The following MACROD2 variants were observed in gnomAD, a reference collection of about 807,000 sequenced individuals.
MACROD2 encodes ADP-ribose glycohydrolase MACROD2.
Under a neutral mutation model 70.4 loss-of-function variants are expected in MACROD2, and 36 were observed. The ratio of observed to expected loss-of-function variants is 0.51; its 90% confidence interval spans 0.39 to 0.68. The LOEUF (loss-of-function observed/expected upper bound fraction) is 0.68, where lower values mean the gene tolerates loss of function less well. MACROD2 is among the 30% of genes least tolerant of loss of function. The pLI is 0.00. For missense variants in MACROD2, 496 were observed against 538.4 expected (o/e 0.92, Z 0.78); for synonymous variants, 172 against 178.8 (o/e 0.96, Z 0.30).
chr20:15,135,603 A>G (rs2076140813), intron 5 of MACROD2, among the ~76,000 whole-genome samples: 1 of 130,410 alleles, frequency 7.7e-6, no homozygotes, highest in African/African-American at 2.9e-5. Context: ...CCCACAGCCA[A>G]TATCATACTG....
intron 8 of MACROD2, among the ~76,000 whole-genome samples, chr20:15,852,908 G>A (rs1047949934): frequency 6.6e-6 from 1 of 152,172 alleles, no homozygotes; most frequent in Non-Finnish European, 1.5e-5. Context: ...CTACTCAAGA[G>A]GTTGAGGAGG....
chr20:15,644,767 G>A (rs977554325), intron 8 of MACROD2, among the ~76,000 whole-genome samples: 24 of 152,272 alleles, frequency 1.6e-4, no homozygotes, highest in African/African-American at 5.3e-4. Flanking sequence ...TCGGCTCAGT[G>A]CAACCTCCGC....
At chr20:15,194,489 G>C (rs994366994) in intron 5 of MACROD2, among the ~76,000 whole-genome samples, 7 of 151,844 alleles carry the variant, frequency 4.6e-5, no homozygotes, top group Non-Finnish European at 8.8e-5. Context: ...TAAAAATAAC[G>C]CAAACAATTC....
intron 3 of MACROD2, among the ~76,000 whole-genome samples, chr20:14,218,377 A>G (rs2081641619): frequency 6.6e-6 from 1 of 151,994 alleles, no homozygotes. Flanking sequence ...GCCTTTTTCC[A>G]TTCCTTTAAG....
At chr20:14,837,795 T>A (rs1282965448) in intron 5 of MACROD2, among the ~76,000 whole-genome samples, 1 of 152,064 alleles carries the variant, frequency 6.6e-6, no homozygotes, top group Non-Finnish European at 1.5e-5. Context: ...CCAGGAAATT[T>A]AATTTGATTA....
chr20:15,445,065 C>T lies in MACROD2; in HGVS notation c.571+13630C>T, dbSNP rs149713377. Among the ~76,000 whole-genome samples the T allele has an allele frequency of 9.2e-5, 14 of 152,256 alleles. No homozygotes were observed. In the East Asian group the frequency reaches 1.4e-3, roughly 15 times the overall value. ...CTTTGATTATTTTGTTCACTGCTAT[C>T]GCTTAGATTCTAGAACTCTGTCTAT... On this transcript the variant is annotated intron_variant, in intron 7 of 17. Transcript: ENST00000684519.
At position 15,641,807 on chromosome 20, in the gene MACROD2, C is replaced by T. The variant is rs568519644; in HGVS notation, c.645+141960C>T. On this transcript the variant is annotated intron_variant, in intron 8 of 17. Coordinates refer to ENST00000684519, the MANE Select transcript of MACROD2 (RefSeq NM_001351661.2). Reference sequence around the variant, plus strand: ...TGCAAGGGAGATTTTTCTTTGTCTCCTAACCAAAAATAGCCCAGCTATTGC... The same window carrying T: ...TGCAAGGGAGATTTTTCTTTGTCTCTTAACCAAAAATAGCCCAGCTATTGC... Among the ~76,000 whole-genome samples, 277 of 152,184 alleles carry T rather than the reference C, an allele frequency of 1.8e-3. 1 individual carries two copies. Among genetic ancestry groups the T allele is most frequent in the Non-Finnish European group, 3.4e-3 (229 of 67,996 alleles).
intron 5 of MACROD2, among the ~76,000 whole-genome samples, chr20:15,011,807 AT>A (rs1248440480): frequency 6.6e-6 from 1 of 152,136 alleles, no homozygotes; most frequent in Non-Finnish European, 1.5e-5. Flanking sequence ...AGGGTTGGTC[AT>A]GTGTTTTTAG....
intron 8 of MACROD2, among the ~76,000 whole-genome samples, chr20:15,779,817 T>G (rs2051799118): frequency 6.6e-6 from 1 of 152,142 alleles, no homozygotes; most frequent in African/African-American, 2.4e-5. Context: ...CCGCAGGAGA[T>G]ATCCTGAAAA....
At chr20:14,195,475 C>G (rs1013764591) in intron 3 of MACROD2, among the ~76,000 whole-genome samples, 2 of 152,010 alleles carry the variant, frequency 1.3e-5, no homozygotes, top group Non-Finnish European at 2.9e-5. Context: ...CAGGCCTGTG[C>G]CCACAGGTCT....
intron 5 of MACROD2, among the ~76,000 whole-genome samples, chr20:15,031,697 T>C (rs1172177564): frequency 6.6e-6 from 1 of 152,104 alleles, no homozygotes; most frequent in Non-Finnish European, 1.5e-5. Flanking sequence ...TTAGCGGTGT[T>C]TTTATGGGCT....
intron 12 of MACROD2, among the ~76,000 whole-genome samples, chr20:15,939,876 C>A (rs977114393): frequency 2.0e-5 from 3 of 152,056 alleles, no homozygotes; most frequent in African/African-American, 4.8e-5. Context: ...TCATGGATGA[C>A]TGTGAGTGGT....
At chr20:14,758,546 T>G (rs1206025513) in intron 5 of MACROD2, among the ~76,000 whole-genome samples, 3 of 152,118 alleles carry the variant, frequency 2.0e-5, no homozygotes, top group African/African-American at 7.2e-5. Context: ...AATTAGTTCA[T>G]ATATTATAAC....
chr20:15,382,545 T>C, intron 6 of MACROD2, among the ~76,000 whole-genome samples: 1 of 152,318 alleles, frequency 6.6e-6, no homozygotes, highest in Non-Finnish European at 1.5e-5. Flanking sequence ...GAATGAATGA[T>C]TGCTCATTGG....
At chr20:14,530,038 G>A (rs542876150) in intron 4 of MACROD2, among the ~76,000 whole-genome samples, 35 of 152,230 alleles carry the variant, frequency 2.3e-4, no homozygotes, top group African/African-American at 8.2e-4. Flanking sequence ...ATTATCACTG[G>A]GTGACCGAAG....
intron 3 of MACROD2, among the ~76,000 whole-genome samples, chr20:14,423,656 CCT>C (rs1331876242): frequency 7.0e-6 from 1 of 142,678 alleles, no homozygotes; most frequent in African/African-American, 2.5e-5. Flanking sequence ...GCTGAGATCG[CCT>C]CACTGCACTC....
intron 2 of MACROD2, among the ~76,000 whole-genome samples, chr20:14,014,545 C>T (rs777876711): frequency 2.0e-5 from 3 of 152,088 alleles, no homozygotes; most frequent in Non-Finnish European, 2.9e-5. Flanking sequence ...AACTTCAATA[C>T]GATGAGAATA....
chr20:14,250,645 C>T (rs532585375), intron 3 of MACROD2, among the ~76,000 whole-genome samples: 8 of 152,184 alleles, frequency 5.3e-5, no homozygotes, highest in Admixed American at 1.3e-4. Flanking sequence ...TTTTCTTTTA[C>T]GCATATAATT....
At chr20:15,580,035 T>C (rs73900003) in intron 8 of MACROD2, among the ~76,000 whole-genome samples, 11,756 of 152,250 alleles carry the variant, frequency 0.077, 750 homozygotes, top group African/African-American at 0.17. Context: ...ATCACTTGTA[T>C]GCCCTGCATA....
Sources: allele counts gnomAD v4.1 joint callset (sites outside exome capture counted in the v4.1 genomes callset), GRCh38; gene constraint gnomAD v4.1.1; transcripts MANE v1.5; gene names NCBI Gene and HGNC (gene_info 2026-07-23, HGNC 2026-07-21).